Variants in TF observed in about 807,000 individuals in gnomAD.
TF encodes the protein serotransferrin.
A neutral mutation model predicts 82.4 loss-of-function variants in TF; 55 were observed. That is an observed-to-expected ratio of 0.67 (90% CI 0.54 to 0.84). TF has a LOEUF of 0.84. Ranked by LOEUF, TF falls within the 40% of genes least tolerant of loss-of-function variation. The pLI, the probability that TF is intolerant of heterozygous loss-of-function variation, is 0.00. For synonymous variants in TF, 332 were observed against 332.6 expected, an observed-to-expected ratio of 1.00 and a Z score of 0.02; for missense variants, 737 against 868.4, an observed-to-expected ratio of 0.85 and a Z score of 1.90.
chr3:133,751,494 G>A (rs1477894179), intron 2 of TF, among the ~76,000 whole-genome samples: 1 of 152,064 alleles, frequency 6.6e-6, no homozygotes, highest in African/African-American at 2.4e-5. Context: ...GCCTCCCAAA[G>A]TTCCACTTTT....
chr3:133,725,264 G>T, the TF span, among the ~76,000 whole-genome samples: 1 of 152,110 alleles, frequency 6.6e-6, no homozygotes, highest in Admixed American at 6.5e-5. Flanking sequence ...CCATTTTCAC[G>T]ATATTGATTC....
chr3:133,692,033 T>A, the TF span, among the ~76,000 whole-genome samples: 1 of 152,242 alleles, frequency 6.6e-6, no homozygotes, highest in Admixed American at 6.5e-5. Flanking sequence ...TTGCACATTT[T>A]GATAGAAACT....
the TF span, among the ~76,000 whole-genome samples, chr3:133,702,595 A>G: frequency 6.6e-6 from 1 of 151,434 alleles, no homozygotes; most frequent in East Asian, 2.0e-4. Context: ...CATCACTCAG[A>G]GATTATGTGA....
intron 16 of TF, chr3:133,777,610 A>C: frequency 4.9e-6 from 1 of 202,298 alleles, no homozygotes; most frequent in Non-Finnish European, 1.0e-5. Flanking sequence ...AAGTTAATTA[A>C]AATTAAACTA....
At chr3:133,696,252 C>T in the TF span, among the ~76,000 whole-genome samples, 6 of 151,876 alleles carry the variant, frequency 4.0e-5, no homozygotes, top group South Asian at 8.3e-4. Flanking sequence ...GCTATGATCA[C>T]GCCACTGCCC....
chr3:133,735,584 C>T, the TF span, among the ~76,000 whole-genome samples: 2 of 151,848 alleles, frequency 1.3e-5, no homozygotes, highest in African/African-American at 2.4e-5. Context: ...TTGCTAACTA[C>T]AATAATCAGT....
Position 133,756,351 on chromosome 3 carries a change from A to T in TF, c.691+14A>T. The T allele has an allele frequency of 1.9e-6, 3 of 1,613,962 alleles. No individual in the cohort carries two copies. Among genetic ancestry groups the T allele is most frequent in the Non-Finnish European group, 2.5e-6 (3 of 1,179,924 alleles). The stretch of plus-strand genomic sequence containing the variant: ...CGACTATATTTGGTAAGAATGGGAC[A>T]AGAATCCACCAGGGCCACTCCAAGT... On this transcript the variant is annotated intron_variant, in intron 6 of 16. Transcript: ENST00000402696.
At chr3:133,719,177 T>C in the TF span, among the ~76,000 whole-genome samples, 1 of 152,290 alleles carries the variant, frequency 6.6e-6, no homozygotes, top group South Asian at 2.1e-4. Context: ...TGAGTAGACA[T>C]ATAGGAGTGT....
At chr3:133,759,374 G>C (rs1163851378) in intron 9 of TF, 45 bp downstream of exon 9, 2 of 1,608,992 alleles carry the variant, frequency 1.2e-6, no homozygotes, top group East Asian at 4.5e-5. Context: ...TGTCATTGCT[G>C]CCTGCTGGCC....
the TF span, among the ~76,000 whole-genome samples, chr3:133,730,730 T>G: frequency 6.6e-6 from 1 of 152,368 alleles, no homozygotes; most frequent in Non-Finnish European, 1.5e-5. Flanking sequence ...ACTCTCATTC[T>G]AGTAACACAC....
At chr3:133,714,328 T>G in the TF span, among the ~76,000 whole-genome samples, 3 of 152,198 alleles carry the variant, frequency 2.0e-5, no homozygotes, top group Non-Finnish European at 2.9e-5. Context: ...ATGAATGAGT[T>G]ATGTGAACAA....
chr3:133,747,530 A>G (rs4428180), intron 1 of TF, among the ~76,000 whole-genome samples: 23,343 of 152,190 alleles, frequency 0.15, 1,904 homozygotes, highest in East Asian at 0.27. Flanking sequence ...GTGGTGGCCC[A>G]CAAGGAGTGG....
chr3:133,686,984 G>A, the TF span, among the ~76,000 whole-genome samples: 2 of 152,178 alleles, frequency 1.3e-5, no homozygotes, highest in Non-Finnish European at 2.9e-5. Context: ...AGAAAATGTG[G>A]CACATATACA....
chr3:133,689,176 T>C, the TF span, among the ~76,000 whole-genome samples: 6 of 151,614 alleles, frequency 4.0e-5, no homozygotes, highest in Admixed American at 6.6e-5. Context: ...TTTAGAAAAA[T>C]ACAAAAATTA....
At chr3:133,729,790 C>T in the TF span, among the ~76,000 whole-genome samples, 22 of 152,236 alleles carry the variant, frequency 1.4e-4, no homozygotes, top group East Asian at 3.1e-3. Context: ...TGTTCCTATT[C>T]GGCCATCTTG....
At chr3:133,671,795 G>GAAAAAAAAAAAAAAAAAA in the TF span, among the ~76,000 whole-genome samples, 1 of 54,538 alleles carries the variant, frequency 1.8e-5, no homozygotes. Flanking sequence ...TCTGTCAAAA[G>GAAAAAAAAAAAAAAAAAA]AAAAAAAAAA....
rs1012530075 is a variant in TF, at chr3:133,746,605, G to C, written c.43+122G>C. 8 of 1,172,124 alleles carry C rather than the reference G, an allele frequency of 6.8e-6. No individual in the cohort carries two copies. The South Asian group carries it at 1.1e-4, about 16-fold the overall frequency. The allele number at this position is 1,172,124 out of a possible 1,614,324, so 72.6% of individuals were successfully genotyped here. Reference sequence around the variant, plus strand: ...AGGCTGGAAGCCTGGGTGTCTGGGTGCCTTTCCATTGCCTCTCTACGCCCC... The same window carrying C: ...AGGCTGGAAGCCTGGGTGTCTGGGTCCCTTTCCATTGCCTCTCTACGCCCC... On this transcript the variant is annotated intron_variant, in intron 1 of 16. Transcript: ENST00000402696.
the TF span, among the ~76,000 whole-genome samples, chr3:133,725,784 G>T: frequency 6.6e-6 from 1 of 151,964 alleles, no homozygotes; most frequent in East Asian, 1.9e-4. Flanking sequence ...TATGATATTG[G>T]CTGTGGGTTT....
rs1933747746 is a variant in TF, at chr3:133,753,932, A to C, written c.325+229A>C. ...TAAAACTGAGCCCTGGGCCAGGGGC[A>C]TATGCTTATCAGAGAAACACAGCAG... is the stretch of plus-strand genomic sequence containing the variant. On this transcript the variant is annotated intron_variant, in intron 3 of 16. Transcript: ENST00000402696. 6.5e-6 allele frequency: 4 copies of C among 612,212 alleles called. No individual in the cohort carries two copies. In the South Asian group the frequency reaches 7.6e-5, roughly 12 times the overall value. 37.9% of individuals were successfully genotyped at this position (612,212 alleles called of 1,614,324 possible).
Sources: allele counts gnomAD v4.1 joint callset (sites outside exome capture counted in the v4.1 genomes callset), GRCh38; gene constraint gnomAD v4.1.1; transcripts MANE v1.5; gene names NCBI Gene and HGNC (gene_info 2026-07-23, HGNC 2026-07-21).